Variants in NLGN1 observed in about 807,000 individuals in gnomAD.
The protein encoded by NLGN1 is neuroligin 1.
Under a neutral mutation model 65.5 loss-of-function variants are expected in NLGN1, and 12 were observed. The observed-to-expected ratio is 0.18, with a 90% CI of 0.12 to 0.30. The LOEUF is 0.30. NLGN1 is among the 10% of genes least tolerant of loss of function. The pLI is 1.00. For synonymous variants in NLGN1, 350 were observed against 359.5 expected (o/e 0.97, Z 0.30); for missense variants, 750 against 1,007.1 (o/e 0.74, Z 3.46).
chr3:174,171,006 A>G (rs1174650356), intron 4 of NLGN1, among the ~76,000 whole-genome samples: 1 of 152,080 alleles, frequency 6.6e-6, no homozygotes, highest in Non-Finnish European at 1.5e-5. Flanking sequence ...CAAATCACAA[A>G]CTCTATTAAT....
At chr3:173,853,630 T>G (rs1727393876) in intron 4 of NLGN1, among the ~76,000 whole-genome samples, 1 of 152,132 alleles carries the variant, frequency 6.6e-6, no homozygotes. Context: ...CTATTTCTTA[T>G]GTGTGCTTAC....
chr3:173,966,637 A>G (rs1020431563), intron 4 of NLGN1, among the ~76,000 whole-genome samples: 7 of 152,222 alleles, frequency 4.6e-5, no homozygotes, highest in African/African-American at 1.7e-4. Flanking sequence ...CTTAGTGATA[A>G]GTGGACTTGA....
intron 3 of NLGN1, among the ~76,000 whole-genome samples, chr3:173,683,559 C>G (rs181028538): frequency 6.6e-6 from 1 of 152,054 alleles, no homozygotes; most frequent in Non-Finnish European, 1.5e-5. Context: ...GGTTTTTTTA[C>G]CCTCTTTCTC....
At chr3:174,018,353 TTAAAG>T (rs1369514276) in intron 4 of NLGN1, among the ~76,000 whole-genome samples, 2 of 152,094 alleles carry the variant, frequency 1.3e-5, no homozygotes, top group Non-Finnish European at 2.9e-5. Flanking sequence ...GATTACGAGA[TTAAAG>T]TAAAGACAGG....
chr3:173,703,854 C>G (rs1219896157), intron 3 of NLGN1, among the ~76,000 whole-genome samples: 1 of 152,114 alleles, frequency 6.6e-6, no homozygotes, highest in East Asian at 1.9e-4. Flanking sequence ...GTGCAGAAGA[C>G]TAATTGTTAA....
chr3:173,446,869 G>A (rs534404975), intron 2 of NLGN1, among the ~76,000 whole-genome samples: 6 of 152,136 alleles, frequency 3.9e-5, no homozygotes, highest in African/African-American at 7.2e-5. Flanking sequence ...CTTCTTTTGC[G>A]AAGTGTCTGT....
chr3:174,028,632 T>C (rs1489176519), intron 4 of NLGN1, among the ~76,000 whole-genome samples: 1 of 152,192 alleles, frequency 6.6e-6, no homozygotes, highest in African/African-American at 2.4e-5. Flanking sequence ...GAACTTATGT[T>C]TAAAAGGGAA....
chr3:173,429,646 T>A (rs1716826662), intron 1 of NLGN1, among the ~76,000 whole-genome samples: 2 of 152,200 alleles, frequency 1.3e-5, no homozygotes, highest in East Asian at 1.9e-4. Context: ...TATGTATGAC[T>A]AGAAGTCCTG....
chr3:173,860,302 T>A (rs1332758422), intron 4 of NLGN1, among the ~76,000 whole-genome samples: 1 of 152,144 alleles, frequency 6.6e-6, no homozygotes, highest in Non-Finnish European at 1.5e-5. Context: ...AATTATTGTG[T>A]CTTATTTGAC....
At chr3:173,683,358 G>A (rs1237067671) in intron 3 of NLGN1, among the ~76,000 whole-genome samples, 1 of 151,956 alleles carries the variant, frequency 6.6e-6, no homozygotes, top group Non-Finnish European at 1.5e-5. Context: ...CTTTTAGTGA[G>A]TGCTGGTATT....
intron 4 of NLGN1, among the ~76,000 whole-genome samples, chr3:173,892,164 C>T (rs1298789697): frequency 1.3e-5 from 2 of 150,340 alleles, no homozygotes; most frequent in Non-Finnish European, 3.0e-5. Context: ...AACTTTGTCA[C>T]GTATATTTAA....
At chr3:173,760,172 T>C (rs982534180) in intron 3 of NLGN1, among the ~76,000 whole-genome samples, 1 of 151,958 alleles carries the variant, frequency 6.6e-6, no homozygotes, top group Non-Finnish European at 1.5e-5. Context: ...TGGGGTCCCA[T>C]AGAACTTTAT....
intron 4 of NLGN1, among the ~76,000 whole-genome samples, chr3:174,009,066 G>A (rs577022756): frequency 6.6e-6 from 1 of 152,150 alleles, no homozygotes. Context: ...GGGAGTCCAA[G>A]ATCAAGGCAT....
At chr3:173,465,517 T>A (rs1000513875) in intron 2 of NLGN1, among the ~76,000 whole-genome samples, 1 of 152,194 alleles carries the variant, frequency 6.6e-6, no homozygotes, top group African/African-American at 2.4e-5. Flanking sequence ...TTAGCCAAAT[T>A]TGATGTAAAG....
intron 2 of NLGN1, among the ~76,000 whole-genome samples, chr3:173,530,114 C>T (rs1330199383): frequency 6.6e-6 from 1 of 152,108 alleles, no homozygotes; most frequent in Non-Finnish European, 1.5e-5. Context: ...ACCAACATGC[C>T]TGGCTAATTT....
chr3:174,223,491 C>A (rs1184110304), intron 4 of NLGN1, among the ~76,000 whole-genome samples: 1 of 151,956 alleles, frequency 6.6e-6, no homozygotes, highest in Non-Finnish European at 1.5e-5. Context: ...TATTGGTATT[C>A]TCTAGCATTT....
chr3:173,941,061 G>A (rs1746000596), intron 4 of NLGN1, among the ~76,000 whole-genome samples: 1 of 152,124 alleles, frequency 6.6e-6, no homozygotes. Context: ...GATTAGTTAT[G>A]AAGAGAAAAC....
At chr3:174,023,408 C>T (rs1314748935) in intron 4 of NLGN1, among the ~76,000 whole-genome samples, 1 of 152,126 alleles carries the variant, frequency 6.6e-6, no homozygotes, top group East Asian at 1.9e-4. Flanking sequence ...CATAGGAACT[C>T]CCTTTTTTCA....
In NLGN1 at chr3:173,685,894, A is replaced by T. The variant is rs1164205212; in HGVS notation, c.493+80803A>T. 1.1e-5 allele frequency: 8 copies of T among 755,330 alleles called. No homozygotes were observed. In the African/African-American group the frequency reaches 1.5e-4, roughly 14 times the overall value. The allele number at this position is 755,330 out of a possible 1,614,324, so 46.8% of individuals were successfully genotyped here. ...TTAAAATAAAATTAATACTTCTTTC[A>T]CTTGATTGAGAAGATTAAAACCTGA... On this transcript the variant is annotated intron_variant, in intron 3 of 6. Coordinates refer to ENST00000457714, the Ensembl canonical transcript of NLGN1.
Sources: allele counts gnomAD v4.1 joint callset (sites outside exome capture counted in the v4.1 genomes callset), GRCh38; gene constraint gnomAD v4.1.1; transcripts MANE v1.5; gene names NCBI Gene and HGNC (gene_info 2026-07-23, HGNC 2026-07-21).